Variants in SNX29 observed in about 807,000 individuals in gnomAD.
The protein encoded by SNX29 is sorting nexin 29.
A neutral mutation model predicts 102.1 loss-of-function variants in SNX29; 78 were observed. The ratio of observed to expected loss-of-function variants is 0.76; its 90% CI spans 0.64 to 0.92. SNX29 has a LOEUF of 0.92. Ranked by LOEUF, SNX29 falls within the 40% of genes least tolerant of loss-of-function variation. The pLI is 0.00. For synonymous variants in SNX29, 580 were observed against 414.5 expected, an observed-to-expected ratio of 1.40 and a Z score of -4.85; for missense variants, 1,280 against 1,061.7, an observed-to-expected ratio of 1.21 and a Z score of -2.86.
intron 20 of SNX29, among the ~76,000 whole-genome samples, chr16:12,550,890 A>AG (rs1185134048): frequency 1.3e-5 from 2 of 152,200 alleles, no homozygotes; most frequent in African/African-American, 4.8e-5. Flanking sequence ...CTGTGACGGG[A>AG]GGGGAAGCTC....
intron 20 of SNX29, 48 bp from the exon 21 acceptor site, chr16:12,568,458 T>G: frequency 6.2e-7 from 1 of 1,602,272 alleles, no homozygotes; most frequent in Non-Finnish European, 8.5e-7. Context: ...CTGTGGTCAT[T>G]TGCTTTTCAT....
chr16:12,331,147 T>G lies in SNX29; in HGVS notation c.1783-25016T>G, dbSNP rs568849031. ...CTGGTATGAGCTTGGCAGGCCTGAC[T>G]GGCCCTTCTCCAGAGAGAGCTTTGG... On this transcript the variant is annotated intron_variant, in intron 15 of 20. Transcript: ENST00000566228. 2.0e-5 allele frequency among the ~76,000 whole-genome samples: 3 copies of G among 152,342 alleles called. No homozygotes were observed. In the East Asian group the frequency reaches 5.8e-4, roughly 29 times the overall value.
At chr16:12,148,097 A>C (rs1469976568) in intron 13 of SNX29, among the ~76,000 whole-genome samples, 7 of 152,218 alleles carry the variant, frequency 4.6e-5, no homozygotes, top group Admixed American at 4.6e-4. Context: ...TCCAGCCACC[A>C]AGTAGCCATC....
chr16:12,387,372 A>G (rs1267308892), intron 16 of SNX29, among the ~76,000 whole-genome samples: 1 of 151,980 alleles, frequency 6.6e-6, no homozygotes, highest in South Asian at 2.1e-4. Context: ...TTGGGATAGC[A>G]CTCGAGCCTT....
intron 3 of SNX29, among the ~76,000 whole-genome samples, chr16:12,025,716 G>A (rs1285537199): frequency 6.6e-6 from 1 of 152,206 alleles, no homozygotes; most frequent in African/African-American, 2.4e-5. Context: ...TGAATGCTGT[G>A]GATTTGCTGA....
chr16:12,513,187 C>T (rs751584948), intron 19 of SNX29, among the ~76,000 whole-genome samples: 27 of 151,308 alleles, frequency 1.8e-4, no homozygotes, highest in Non-Finnish European at 3.7e-4. Context: ...CCATACCTTT[C>T]CTCCCTCTCC....
chr16:12,187,409 C>G (rs1356758393), intron 13 of SNX29, among the ~76,000 whole-genome samples: 2 of 152,072 alleles, frequency 1.3e-5, no homozygotes, highest in Non-Finnish European at 2.9e-5. Context: ...ACAAAATTAG[C>G]CGGGTGTGCA....
At chr16:12,256,067 T>G (rs529980466) in intron 14 of SNX29, among the ~76,000 whole-genome samples, 36 of 152,342 alleles carry the variant, frequency 2.4e-4, no homozygotes, top group African/African-American at 7.5e-4. Flanking sequence ...ACAGCCATCT[T>G]AACAGGTGTG....
chr16:12,259,229 A>G (rs1305821646), intron 14 of SNX29, among the ~76,000 whole-genome samples: 2 of 152,164 alleles, frequency 1.3e-5, no homozygotes, highest in African/African-American at 4.8e-5. Flanking sequence ...TCTCCTTCTC[A>G]ACGTGGGGAA....
intron 16 of SNX29, among the ~76,000 whole-genome samples, chr16:12,388,767 A>G (rs1479001481): frequency 6.6e-6 from 1 of 152,226 alleles, no homozygotes; most frequent in Non-Finnish European, 1.5e-5. Flanking sequence ...TACTGGGTTT[A>G]GGTGCTGGAA....
At chr16:12,169,943 A>C (rs1192646107) in intron 13 of SNX29, among the ~76,000 whole-genome samples, 1 of 151,952 alleles carries the variant, frequency 6.6e-6, no homozygotes, top group Non-Finnish European at 1.5e-5. Flanking sequence ...ACCTGGCCAC[A>C]TTCATTTATT....
intron 20 of SNX29, among the ~76,000 whole-genome samples, chr16:12,566,962 TCTCA>T (rs1239502798): frequency 6.6e-6 from 1 of 152,226 alleles, no homozygotes; most frequent in African/African-American, 2.4e-5. Flanking sequence ...AAACGAGGGA[TCTCA>T]CTCGCACAGT....
At chr16:12,293,431 G>T (rs1196333755) in intron 15 of SNX29, among the ~76,000 whole-genome samples, 1 of 152,190 alleles carries the variant, frequency 6.6e-6, no homozygotes, top group Non-Finnish European at 1.5e-5. Context: ...TTCAGACAGT[G>T]TGTTTGTTTC....
chr16:12,224,992 G>A (rs147689926), intron 14 of SNX29, among the ~76,000 whole-genome samples: 233 of 152,218 alleles, frequency 1.5e-3, no homozygotes, highest in African/African-American at 5.0e-3. Context: ...AGCAAGGGTG[G>A]GATAGTTGAT....
rs955543571 is a variant in SNX29 at position 12,571,002 on chromosome 16, T to C, written c.*2373T>C. 4.7e-5 allele frequency: 11 copies of C among 232,476 alleles called. No homozygotes were observed. Among genetic ancestry groups the C allele is most frequent in the Admixed American group, 2.3e-4 (4 of 17,762 alleles). 14.4% of individuals were successfully genotyped at this position (232,476 alleles called of 1,614,324 possible). Reference sequence around the variant, plus strand: ...CTCCCCCATGATCATGCACAGACCGTAGAGTCGAGTCATCTCGCAGATCCA... The same window carrying C: ...CTCCCCCATGATCATGCACAGACCGCAGAGTCGAGTCATCTCGCAGATCCA... On this transcript the variant is annotated 3_prime_UTR_variant, in exon 21 of 21. Coordinates refer to ENST00000566228, the MANE Select transcript of SNX29 (RefSeq NM_032167.5).
intron 19 of SNX29, among the ~76,000 whole-genome samples, chr16:12,510,489 A>T (rs3764304): frequency 6.6e-6 from 1 of 152,090 alleles, no homozygotes; most frequent in African/African-American, 2.4e-5. Context: ...CCTGACCAAC[A>T]TGGCGAAACC....
intron 20 of SNX29, among the ~76,000 whole-genome samples, chr16:12,558,193 G>C (rs192457636): frequency 2.7e-5 from 4 of 149,750 alleles, no homozygotes; most frequent in Middle Eastern, 3.4e-3. Context: ...TAATAATTAC[G>C]GTTTACTCCA....
At chr16:12,408,157 C>CCAAA (rs140129130) in intron 18 of SNX29, among the ~76,000 whole-genome samples, 64,438 of 142,942 alleles carry the variant, frequency 0.45, 16,335 homozygotes, top group Non-Finnish European at 0.57. Flanking sequence ...GGACCCTTCT[C>CCAAA]AAAAAAACAA....
intron 20 of SNX29, among the ~76,000 whole-genome samples, chr16:12,568,107 T>C (rs2079089170): frequency 6.6e-6 from 1 of 152,196 alleles, no homozygotes; most frequent in African/African-American, 2.4e-5. Context: ...GCTACGCATC[T>C]TGTGTGGCTT....
Sources: allele counts gnomAD v4.1 joint callset (sites outside exome capture counted in the v4.1 genomes callset), GRCh38; gene constraint gnomAD v4.1.1; transcripts MANE v1.5; gene names NCBI Gene and HGNC (gene_info 2026-07-23, HGNC 2026-07-21).